BBS1: variants seen among roughly 807,000 people sequenced by gnomAD.
BBS1 encodes the protein Bardet-Biedl syndrome 1.
Under a neutral mutation model 73.9 loss-of-function variants are expected in BBS1, and 60 were observed. The observed-to-expected ratio is 0.81, with a 90% CI of 0.66 to 1.01. The LOEUF is 1.01. BBS1 is among the 50% of genes least tolerant of loss of function. The pLI, the probability that BBS1 is intolerant of heterozygous loss-of-function variation, is 0.00. For missense variants in BBS1, 718 were observed against 770.3 expected (o/e 0.93, Z 0.80); for synonymous variants, 283 against 317.4 (o/e 0.89, Z 1.15).
chr11:66,514,841 GTT>G (rs1856015227), intron 4 of BBS1, among the ~76,000 whole-genome samples, 163 bp downstream of exon 4: 1 of 151,328 alleles, frequency 6.6e-6, no homozygotes, highest in Non-Finnish European at 1.5e-5. Flanking sequence ...TTGAGACGGA[GTT>G]TCACTCTTGT....
intron 3 of BBS1, among the ~76,000 whole-genome samples, chr11:66,512,537 A>G (rs746341995): frequency 6.6e-6 from 1 of 152,202 alleles, no homozygotes; most frequent in Non-Finnish European, 1.5e-5. Context: ...TGGGGACACT[A>G]CACTCAGAAA....
chr11:66,519,014 T>G (rs773976320), intron 7 of BBS1, among the ~76,000 whole-genome samples: 1 of 152,148 alleles, frequency 6.6e-6, no homozygotes, highest in Non-Finnish European at 1.5e-5. Flanking sequence ...CCACCTGCCT[T>G]GGTCCCCAAA....
chr11:66,517,218 CA>C (rs576970399), intron 7 of BBS1, among the ~76,000 whole-genome samples: 75 of 138,392 alleles, frequency 5.4e-4, no homozygotes, highest in South Asian at 7.0e-4. Flanking sequence ...AACCAAAAAA[CA>C]AAAAAAAAAA....
chr11:66,526,511 C>A, intron 12 of BBS1, 138 bp from the exon 13 acceptor site: 1 of 1,093,188 alleles, frequency 9.1e-7, no homozygotes, highest in Non-Finnish European at 1.4e-6. Flanking sequence ...CACTTTGTTA[C>A]TTCCAGAAAC....
intron 3 of BBS1, 77 bp downstream of exon 3, chr11:66,511,316 A>C (rs907188596): frequency 2.3e-5 from 35 of 1,546,716 alleles, no homozygotes; most frequent in Non-Finnish European, 3.1e-5. Flanking sequence ...ACGGCTGAAA[A>C]TAGGCCCAGC....
At chr11:66,519,156 G>A (rs11227514) in intron 7 of BBS1, among the ~76,000 whole-genome samples, 35,323 of 152,126 alleles carry the variant, frequency 0.23, 4,371 homozygotes, top group East Asian at 0.27. Flanking sequence ...GGGCTGAGGC[G>A]GGTGGATCAC....
intron 13 of BBS1, 90 bp downstream of exon 13, chr11:66,526,897 A>G: frequency 1.2e-6 from 2 of 1,611,972 alleles, no homozygotes; most frequent in South Asian, 2.2e-5. Flanking sequence ...CTCCCTGTGC[A>G]CTGGGAGGAG....
chr11:66,515,279 G>C (rs1440010970), intron 4 of BBS1, among the ~76,000 whole-genome samples: 1 of 152,150 alleles, frequency 6.6e-6, no homozygotes, highest in African/African-American at 2.4e-5. Flanking sequence ...GAAGGTAGGG[G>C]CCTGTCAGAG....
At chr11:66,526,522 A>G in intron 12 of BBS1, 127 bp from the exon 13 acceptor site, 1 of 1,177,418 alleles carries the variant, frequency 8.5e-7, no homozygotes, top group Non-Finnish European at 1.3e-6. Flanking sequence ...TTCCAGAAAC[A>G]GTCTCGTCTG....
In BBS1 at chr11:66,529,599, G is replaced by A. The variant is rs546033791; in HGVS notation, c.1340-220G>A. On this transcript the variant is annotated intron_variant, in intron 13 of 16. Coordinates refer to ENST00000318312, the MANE Select transcript of BBS1 (RefSeq NM_024649.5). ...GTGAAGGAGCTAGATAGTGCAGGCA[G>A]GGAGGTGGTAAGAGAGTGAGAAGAG... The A allele has an allele frequency of 3.2e-5, 22 of 692,840 alleles. No individual in the cohort carries two copies. The African/African-American group carries it at 3.7e-4, about 12-fold the overall frequency. 42.9% of individuals were successfully genotyped at this position (692,840 alleles called of 1,614,324 possible). A position where few individuals can be genotyped will look rare whatever the true frequency, so the allele number is the denominator to read the frequency against.
At chr11:66,512,073 T>C (rs138455277) in intron 3 of BBS1, among the ~76,000 whole-genome samples, 1 of 141,912 alleles carries the variant, frequency 7.0e-6, no homozygotes, top group African/African-American at 2.8e-5. Context: ...TGTATATATA[T>C]ATACATATAT....
In BBS1 at chr11:66,531,016, G is replaced by C. The variant is rs1299530387; in HGVS notation, c.1596G>C (p.Arg532=). The change falls in exon 15 of 17, where the codon CGG becomes CGC. Residue 532 remains arginine (R), a synonymous_variant. Transcript: ENST00000318312. ...ACGAGGCGCTCTATTCCCTGCCCCG[G>C]GCCTTCTTCAAGGTACTGGATGCTC... The part of the protein sequence containing the change: ...LYNEALYSLP[R]AFFKVPLLVP... 6.2e-7 allele frequency: 1 copy of C among 1,614,114 alleles called. No individual in the cohort carries two copies. Among genetic ancestry groups the C allele is most frequent in the Non-Finnish European group, 8.5e-7 (1 of 1,180,044 alleles).
Position 66,531,550 on chromosome 11 carries a change from T to C in BBS1, c.1609-106T>C, listed in dbSNP as rs1006529582. ...CACCCAGCAGTTGTCCTGCCCACCC[T>C]GCAGGGGTGCTGAGGCTCAGTGGAG... On this transcript the variant is annotated intron_variant, in intron 15 of 16. Coordinates refer to ENST00000318312, the MANE Select transcript of BBS1 (RefSeq NM_024649.5). 3.6e-5 allele frequency: 52 copies of C among 1,460,680 alleles called. 1 individual carries two copies. The African/African-American group carries it at 7.0e-4, about 20-fold the overall frequency. 90.5% of individuals were successfully genotyped at this position (1,460,680 alleles called of 1,614,324 possible).
intron 3 of BBS1, 36 bp downstream of exon 3, chr11:66,511,275 A>AG (rs766612419): frequency 6.2e-7 from 1 of 1,611,620 alleles, no homozygotes; most frequent in Non-Finnish European, 8.5e-7. Context: ...AGTTGAGGGT[A>AG]GGGGGGTGTA....
intron 3 of BBS1, among the ~76,000 whole-genome samples, chr11:66,513,333 T>C (rs1349805965): frequency 6.6e-6 from 1 of 151,906 alleles, no homozygotes; most frequent in Admixed American, 6.6e-5. Context: ...TTGGAAAGAA[T>C]AAATGTGAAG....
At chr11:66,529,328 G>A (rs1231942637) in intron 13 of BBS1, 123 of 1,535,576 alleles carry the variant, frequency 8.0e-5, no homozygotes, top group Non-Finnish European at 9.9e-5. Flanking sequence ...GCTGGTTTCC[G>A]CAGCATTGAG....
At chr11:66,527,728 A>C (rs139098134) in intron 13 of BBS1, 2 of 151,796 alleles carry the variant, frequency 1.3e-5, no homozygotes, top group African/African-American at 4.8e-5. Context: ...AACTCAGTCT[A>C]CCTGGGGCCA....
chr11:66,531,781 AC>A, intron 16 of BBS1, 39 bp downstream of exon 16: 1 of 1,612,310 alleles, frequency 6.2e-7, no homozygotes, highest in Non-Finnish European at 8.5e-7. Flanking sequence ...GGTGAGCAGG[AC>A]CCTGGGGAGG....
intron 7 of BBS1, among the ~76,000 whole-genome samples, chr11:66,518,035 G>A (rs1364182374): frequency 2.0e-5 from 3 of 147,386 alleles, no homozygotes; most frequent in Non-Finnish European, 3.0e-5. Context: ...TCAGCTCATC[G>A]CAACCTCCGC....
Sources: allele counts gnomAD v4.1 joint callset (sites outside exome capture counted in the v4.1 genomes callset), GRCh38; gene constraint gnomAD v4.1.1; transcripts MANE v1.5; gene names NCBI Gene and HGNC (gene_info 2026-07-23, HGNC 2026-07-21).